The following CTNND2 variants were observed in gnomAD, a reference collection of about 807,000 sequenced individuals.
CTNND2 encodes the protein catenin delta-2.
CTNND2 carries 22 observed loss-of-function variants against 144.4 expected under a neutral mutation model. That is an observed-to-expected ratio of 0.15 (90% CI 0.11 to 0.22). The LOEUF (loss-of-function observed/expected upper bound fraction) is 0.22, where lower values mean the gene tolerates loss of function less well. Among genes scored for constraint, CTNND2 ranks in the 10% least tolerant of loss-of-function variants. The pLI is 1.00. For missense variants in CTNND2, 1,353 were observed against 1,618.8 expected (o/e 0.84, Z 2.82); for synonymous variants, 751 against 695.6 (o/e 1.08, Z -1.25).
chr5:11,793,216 G>A (rs1009890544), intron 1 of CTNND2, among the ~76,000 whole-genome samples: 4 of 152,084 alleles, frequency 2.6e-5, no homozygotes, highest in African/African-American at 7.2e-5. Context: ...GGATCTTTCC[G>A]AGGCCCCACG....
chr5:10,987,365 A>T (rs61751755), intron 20 of CTNND2, among the ~76,000 whole-genome samples: 1 of 152,162 alleles, frequency 6.6e-6, no homozygotes, highest in Non-Finnish European at 1.5e-5. Flanking sequence ...GGCATGGCAC[A>T]GTGGAGGGGG....
intron 10 of CTNND2, among the ~76,000 whole-genome samples, chr5:11,231,450 C>A (rs144865302): frequency 6.6e-6 from 1 of 152,284 alleles, no homozygotes; most frequent in East Asian, 1.9e-4. Flanking sequence ...CAAGGAAGTC[C>A]AGGCTGAGGT....
chr5:11,743,948 C>T (rs897130532), intron 1 of CTNND2, among the ~76,000 whole-genome samples: 2 of 152,064 alleles, frequency 1.3e-5, no homozygotes, highest in East Asian at 3.9e-4. Flanking sequence ...TAATTTCCAC[C>T]TGAGTTATTA....
chr5:11,176,875 C>G (rs1365184598), intron 11 of CTNND2, among the ~76,000 whole-genome samples: 1 of 152,120 alleles, frequency 6.6e-6, no homozygotes, highest in East Asian at 1.9e-4. Flanking sequence ...GGATTCATGG[C>G]ACTGCCCTAC....
chr5:11,864,583 C>T (rs1036595770), intron 1 of CTNND2, among the ~76,000 whole-genome samples: 5 of 152,222 alleles, frequency 3.3e-5, no homozygotes, highest in African/African-American at 1.2e-4. Context: ...GATCCACCAT[C>T]TACCTGTCTG....
chr5:11,510,467 G>A (rs1771531051), intron 3 of CTNND2, among the ~76,000 whole-genome samples: 1 of 152,166 alleles, frequency 6.6e-6, no homozygotes. Context: ...TATCACTTCT[G>A]ACAACGTTTA....
Position 11,767,693 on chromosome 5 carries a change from G to A in CTNND2, c.38-35421C>T, listed in dbSNP as rs146232613. Among the ~76,000 whole-genome samples the A allele has an allele frequency of 8.6e-4, 131 of 152,118 alleles. 1 individual carries two copies. Among genetic ancestry groups the A allele is most frequent in the African/African-American group, 2.8e-3 (118 of 41,514 alleles). On this transcript the variant is annotated intron_variant, in intron 1 of 21. Coordinates refer to ENST00000304623, the MANE Select transcript of CTNND2 (RefSeq NM_001332.4). ...CATACGGCACCATTCTGCTTGAGTC[G>A]ATGCTAGGTTTTGACTGGCCAAGCA...
chr5:11,377,416 A>G (rs1581055137), intron 7 of CTNND2, among the ~76,000 whole-genome samples: 1 of 151,986 alleles, frequency 6.6e-6, no homozygotes, highest in South Asian at 2.1e-4. Flanking sequence ...TTATTTTTTG[A>G]GGTGTCCGGG....
At chr5:11,704,578 G>A (rs577323526) in intron 2 of CTNND2, among the ~76,000 whole-genome samples, 3 of 152,084 alleles carry the variant, frequency 2.0e-5, no homozygotes, top group African/African-American at 7.2e-5. Context: ...ATTAGTTGAG[G>A]CCACTTAGGT....
At chr5:11,763,780 G>T (rs1789415549) in intron 1 of CTNND2, among the ~76,000 whole-genome samples, 1 of 152,114 alleles carries the variant, frequency 6.6e-6, no homozygotes, top group South Asian at 2.1e-4. Context: ...GAAATTAGTT[G>T]TTTTGGTTGA....
At chr5:11,232,911 C>T (rs1358240823) in intron 10 of CTNND2, among the ~76,000 whole-genome samples, 1 of 152,134 alleles carries the variant, frequency 6.6e-6, no homozygotes, top group Non-Finnish European at 1.5e-5. Context: ...GGCGGTTCCC[C>T]CTACTGCTGT....
At position 11,256,787 on chromosome 5, in the gene CTNND2, G is replaced by C. The variant is rs562073570; in HGVS notation, c.1629-19964C>G. ...ATGAGGAGGTCAAGGTGGGATAAAA[G>C]AGTGGGCAACATCAGTGTACGCCAG... On this transcript the variant is annotated intron_variant, in intron 9 of 21. Coordinates refer to ENST00000304623, the MANE Select transcript of CTNND2 (RefSeq NM_001332.4). 3.9e-5 allele frequency among the ~76,000 whole-genome samples: 6 copies of C among 152,308 alleles called. No individual in the cohort carries two copies. In the East Asian group the frequency reaches 1.2e-3, roughly 29 times the overall value.
chr5:11,311,011 C>A (rs1233546395), intron 9 of CTNND2, among the ~76,000 whole-genome samples: 1 of 143,258 alleles, frequency 7.0e-6, no homozygotes, highest in Non-Finnish European at 1.5e-5. Flanking sequence ...CCTCACCCCA[C>A]ACACACAATA....
At chr5:11,686,615 G>T (rs936159700) in intron 2 of CTNND2, among the ~76,000 whole-genome samples, 1 of 151,908 alleles carries the variant, frequency 6.6e-6, no homozygotes, top group Non-Finnish European at 1.5e-5. Flanking sequence ...CAAAGTATAG[G>T]TCTTGCTGAT....
intron 1 of CTNND2, among the ~76,000 whole-genome samples, chr5:11,889,430 T>G (rs930058149): frequency 6.6e-6 from 1 of 152,222 alleles, no homozygotes; most frequent in Non-Finnish European, 1.5e-5. Flanking sequence ...TCTAAATTAG[T>G]GTTTGAGTGG....
At chr5:11,178,129 C>T (rs562578986) in intron 11 of CTNND2, among the ~76,000 whole-genome samples, 4 of 152,238 alleles carry the variant, frequency 2.6e-5, no homozygotes, top group African/African-American at 9.6e-5. Flanking sequence ...ATTTCTATTC[C>T]TGCAATAGTG....
At position 10,973,606 on chromosome 5, in the gene CTNND2, C is replaced by T. The variant is rs969785577; in HGVS notation, c.3525G>A (p.Gln1175=). The T allele has an allele frequency of 3.1e-6, 5 of 1,614,170 alleles. No homozygotes were observed. Among genetic ancestry groups the T allele is most frequent in the Non-Finnish European group, 4.2e-6 (5 of 1,180,028 alleles). ...RNYDESFFED[Q]VHHRPPASEY... Reference sequence around the variant, plus strand: ...CGCTGGCGGGAGGGCGATGGTGGACCTGGTCCTCGAAGAAGGACTCATCGT... The same window carrying T: ...CGCTGGCGGGAGGGCGATGGTGGACTTGGTCCTCGAAGAAGGACTCATCGT... The change falls in exon 22 of 22, where the codon CAG becomes CAA. Residue 1175 remains glutamine (Q), a synonymous_variant. Transcript: ENST00000304623. This position sits in a 1 kb window ranked among gnomAD's most constrained non-coding sequence, Gnocchi z 5.6.
At chr5:11,623,094 T>C (rs1481693431) in intron 2 of CTNND2, among the ~76,000 whole-genome samples, 1 of 152,158 alleles carries the variant, frequency 6.6e-6, no homozygotes, top group East Asian at 1.9e-4. Flanking sequence ...CCAGCAGAAA[T>C]AGTCCTTCCT....
At chr5:11,028,735 G>T (rs557737506) in intron 16 of CTNND2, among the ~76,000 whole-genome samples, 1 of 152,158 alleles carries the variant, frequency 6.6e-6, no homozygotes, top group South Asian at 2.1e-4. Context: ...TCCAAGCAGG[G>T]TCTCATTCTG....
Sources: gnomAD v4.1 joint callset for allele counts (sites outside exome capture counted in the v4.1 genomes callset) on GRCh38, gnomAD v4.1.1 for gene constraint, Gnocchi (gnomAD v3.1) non-coding constraint, MANE v1.5 for transcripts, NCBI Gene and HGNC (gene_info 2026-07-23, HGNC 2026-07-21) for gene names.